SLFN12L: variants seen among roughly 807,000 people sequenced by gnomAD.
SLFN12L encodes the protein schlafen family member 12 like.
Under a neutral mutation model 34.8 loss-of-function variants are expected in SLFN12L, and 34 were observed. The observed-to-expected ratio is 0.98, with a 90% CI of 0.74 to 1.30. The LOEUF (loss-of-function observed/expected upper bound fraction) is 1.30. Among genes scored for constraint, SLFN12L ranks in the 50% most tolerant of loss-of-function variants. The probability of loss-of-function intolerance (pLI) is 0.00; values close to 1 mark genes in which losing one functional copy is unlikely to be tolerated. For synonymous variants in SLFN12L, 259 were observed against 247.5 expected (o/e 1.05, Z -0.44); for missense variants, 703 against 696.2 (o/e 1.01, Z -0.11).
chr17:35,487,321 C>T (rs1914620984), intron 2 of SLFN12L, among the ~76,000 whole-genome samples: 1 of 152,272 alleles, frequency 6.6e-6, no homozygotes, highest in African/African-American at 2.4e-5. Context: ...TCCTCCATTG[C>T]TAAGTCTACA....
chr17:35,475,518 A>T, intron 4 of SLFN12L, 33 bp from the exon 5 acceptor site: 1 of 1,515,238 alleles, frequency 6.6e-7, no homozygotes, highest in Non-Finnish European at 8.8e-7. Context: ...ATTATAAAAG[A>T]CTGAGAACTT....
intron 2 of SLFN12L, among the ~76,000 whole-genome samples, chr17:35,505,926 T>C (rs1250871451): frequency 6.6e-6 from 1 of 152,180 alleles, no homozygotes; most frequent in Non-Finnish European, 1.5e-5. Flanking sequence ...AGTGTATATA[T>C]CAAGTCACAG....
chr17:35,480,565 G>A (rs965302663), intron 2 of SLFN12L: 16 of 172,464 alleles, frequency 9.3e-5, no homozygotes, highest in Non-Finnish European at 1.2e-5. Context: ...TTTTAGTCAT[G>A]CATATTATTT....
At chr17:35,512,771 A>C (rs1442240467) in intron 2 of SLFN12L, among the ~76,000 whole-genome samples, 1 of 152,274 alleles carries the variant, frequency 6.6e-6, no homozygotes, top group African/African-American at 2.4e-5. Flanking sequence ...ATCAACTGTG[A>C]AATGAAGACG....
At chr17:35,524,793 C>T (rs191169107) in intron 1 of SLFN12L, among the ~76,000 whole-genome samples, 3 of 152,074 alleles carry the variant, frequency 2.0e-5, no homozygotes, top group Non-Finnish European at 1.5e-5. Flanking sequence ...ACCAGAATAC[C>T]TCTTCTCCTC....
In SLFN12L at chr17:35,472,279, G is replaced by A. The variant is rs1031869595; in HGVS notation, c.*2644C>T. The stretch of plus-strand genomic sequence containing the variant: ...GATCCAGTTTCAGTTTTCAGTTTGA[G>A]TCTTTAGTCCATCTTGGGTTAATTT... On this transcript the variant is annotated 3_prime_UTR_variant, in exon 5 of 5. Transcript: ENST00000628453. Among the ~76,000 whole-genome samples the A allele has an allele frequency of 1.1e-4, 17 of 152,224 alleles. No individual in the cohort carries two copies. The highest frequency in any genetic ancestry group is 2.4e-5 in the African/African-American group (1 of 41,472).
rs2142116448 is a variant in SLFN12L, at chr17:35,466,775, C to T, written c.*8148G>A. Among the ~76,000 whole-genome samples the T allele has an allele frequency of 6.6e-6, 1 of 152,324 alleles. No individual in the cohort carries two copies. Among genetic ancestry groups the T allele is most frequent in the East Asian group, 1.9e-4 (1 of 5,180 alleles). On this transcript the variant is annotated 3_prime_UTR_variant, in exon 5 of 5. Transcript: ENST00000628453. ...ACTGAAGAGACTTTAACAAGCTCTA[C>T]TCATGCCTCCTAAAGTCTAGACCAC... is the stretch of plus-strand genomic sequence containing the variant.
At chr17:35,537,195 T>C (rs569018519) in intron 1 of SLFN12L, among the ~76,000 whole-genome samples, 1 of 151,868 alleles carries the variant, frequency 6.6e-6, no homozygotes, top group African/African-American at 2.4e-5. Context: ...AAAAAGAGAA[T>C]CTTCACAGGC....
At position 35,479,764 on chromosome 17, in the gene SLFN12L, A is replaced by AC. The variant is rs765829448; in HGVS notation, c.517dup (p.Val173GlyfsTer40). On this transcript the variant is annotated frameshift_variant, in exon 3 of 5. Coordinates refer to ENST00000628453, the MANE Select transcript of SLFN12L (RefSeq NM_001363830.2). LOFTEE classifies it high-confidence loss of function. ...AGCATTCATGACTTTTGCAGACGTT[A>AC]CATCTCTCTTGTACAAACTGGAGCT... The AC allele has an allele frequency of 6.2e-7, 1 of 1,613,920 alleles. No homozygotes were observed. Among genetic ancestry groups the AC allele is most frequent in the Non-Finnish European group, 8.5e-7 (1 of 1,179,944 alleles).
At chr17:35,505,902 T>G (rs192816776) in intron 2 of SLFN12L, among the ~76,000 whole-genome samples, 5 of 152,346 alleles carry the variant, frequency 3.3e-5, no homozygotes, top group Admixed American at 3.3e-4. Flanking sequence ...TTCCTCAGAC[T>G]GAGGACTGTT....
At chr17:35,489,749 T>G (rs1010678270) in intron 2 of SLFN12L, among the ~76,000 whole-genome samples, 1 of 152,194 alleles carries the variant, frequency 6.6e-6, no homozygotes, top group Admixed American at 6.5e-5. Context: ...CATTTGACTC[T>G]TGAAAGTTAT....
At chr17:35,483,182 C>A (rs987720940) in intron 2 of SLFN12L, among the ~76,000 whole-genome samples, 8 of 151,836 alleles carry the variant, frequency 5.3e-5, no homozygotes, top group Non-Finnish European at 1.0e-4. Context: ...TAGAAGCTAC[C>A]CTCCCCAGGG....
Position 35,535,731 on chromosome 17 carries a change from C to A in SLFN12L, c.-606+1842G>T, listed in dbSNP as rs1013545224. 2.8e-4 allele frequency among the ~76,000 whole-genome samples: 42 copies of A among 152,236 alleles called. 1 individual carries two copies. Among genetic ancestry groups the A allele is most frequent in the Admixed American group, 2.3e-3 (35 of 15,294 alleles). On this transcript the variant is annotated intron_variant, in intron 1 of 4. Coordinates refer to ENST00000628453, the MANE Select transcript of SLFN12L (RefSeq NM_001363830.2). ...AAGGCAGTGGCAGGATCTCAGCTAACCGCACCCTCCACCTCCTGGGTTCAA... is the reference window on the plus strand; with the variant it reads ...AAGGCAGTGGCAGGATCTCAGCTAAACGCACCCTCCACCTCCTGGGTTCAA...
At chr17:35,503,033 A>C (rs1329576360) in intron 2 of SLFN12L, among the ~76,000 whole-genome samples, 2 of 152,248 alleles carry the variant, frequency 1.3e-5, no homozygotes, top group Non-Finnish European at 2.9e-5. Context: ...TTATGCAAGA[A>C]ATGTTGTATA....
intron 2 of SLFN12L, among the ~76,000 whole-genome samples, chr17:35,488,324 G>C (rs1489252662): frequency 6.6e-6 from 1 of 152,232 alleles, no homozygotes; most frequent in African/African-American, 2.4e-5. Flanking sequence ...CCAGAAACCG[G>C]GGGAGAGCAG....
intron 2 of SLFN12L, chr17:35,498,891 C>T (rs1416305165): frequency 4.3e-6 from 3 of 693,642 alleles, no homozygotes; most frequent in Non-Finnish European, 7.8e-6. Flanking sequence ...CTTGGAGGCC[C>T]CTGATATGCC....
chr17:35,490,847 A>C, intron 2 of SLFN12L: 1 of 1,056,990 alleles, frequency 9.5e-7, no homozygotes, highest in Non-Finnish European at 1.5e-6. Flanking sequence ...GCAGGTACCC[A>C]AGGGCACATT....
intron 1 of SLFN12L, among the ~76,000 whole-genome samples, chr17:35,532,669 A>G (rs2072423145): frequency 6.6e-6 from 1 of 152,130 alleles, no homozygotes; most frequent in Non-Finnish European, 1.5e-5. Context: ...AGGCAGGCAT[A>G]TCACTTGAGG....
intron 2 of SLFN12L, among the ~76,000 whole-genome samples, chr17:35,506,557 G>T (rs112982832): frequency 9.9e-5 from 15 of 152,102 alleles, no homozygotes; most frequent in Non-Finnish European, 2.2e-4. Context: ...AGTAAATATC[G>T]TGGTTTGAGG....
Sources: gnomAD v4.1 joint callset for allele counts (sites outside exome capture counted in the v4.1 genomes callset) on GRCh38, gnomAD v4.1.1 for gene constraint, MANE v1.5 for transcripts, NCBI Gene and HGNC (gene_info 2026-07-23, HGNC 2026-07-21) for gene names.